Variants in ADGRL1 observed in about 807,000 individuals in gnomAD.
The protein encoded by ADGRL1 is CIRL-1.
Under a neutral mutation model 148.9 loss-of-function variants are expected in ADGRL1, and 31 were observed. The ratio of observed to expected loss-of-function variants is 0.21; its 90% CI spans 0.16 to 0.28. The LOEUF (loss-of-function observed/expected upper bound fraction) is 0.28. Among genes scored for constraint, ADGRL1 ranks in the 10% least tolerant of loss-of-function variants. ADGRL1 has a pLI of 1.00. For missense variants in ADGRL1, 1,521 were observed against 2,058.8 expected, an observed-to-expected ratio of 0.74 and a Z score of 5.05; for synonymous variants, 937 against 900.3, an observed-to-expected ratio of 1.04 and a Z score of -0.73.
chr19:14,159,330 T>G lies in ADGRL1; in HGVS notation c.2023+71A>C. 6.4e-7 allele frequency: 1 copy of G among 1,572,402 alleles called. No individual in the cohort carries two copies. The highest frequency in any genetic ancestry group is 8.7e-7 in the Non-Finnish European group (1 of 1,155,534). ...GCCCAAGGGTCGGATAGCCCCCCTG[T>G]GGCCTCCAGGCCAGAACCCCGTGGT... On this transcript the variant is annotated intron_variant, in intron 10 of 22. Transcript: ENST00000361434. The surrounding 1 kb of genome is among the most constrained non-coding windows in gnomAD (Gnocchi z 6.0).
At chr19:14,204,956 G>A (rs1374995657) in intron 1 of ADGRL1, among the ~76,000 whole-genome samples, 1 of 152,084 alleles carries the variant, frequency 6.6e-6, no homozygotes, top group African/African-American at 2.4e-5. Flanking sequence ...GTGGATGGGG[G>A]TTGGAACAGG....
intron 1 of ADGRL1, among the ~76,000 whole-genome samples, chr19:14,193,122 C>T (rs112612881): frequency 6.6e-6 from 1 of 152,132 alleles, no homozygotes; most frequent in African/African-American, 2.4e-5. Context: ...CGCCCTCTCC[C>T]CAGAGTGGCT....
Position 14,160,800 on chromosome 19 carries a change from G to A in ADGRL1, c.1511-104C>T, listed in dbSNP as rs1969283737. 2 of 732,444 alleles carry A rather than the reference G, an allele frequency of 2.7e-6. No homozygotes were observed. 45.4% of individuals were successfully genotyped at this position (732,444 alleles called of 1,614,324 possible). On this transcript the variant is annotated intron_variant, in intron 6 of 22. Transcript: ENST00000361434. This position sits in a 1 kb window ranked among gnomAD's most constrained non-coding sequence, Gnocchi z 5.9. ...GATGACAGAGAGTGGGGGACGAGCG[G>A]GCGAAGAGGGAGGTGAGGGAAACAC...
In ADGRL1 at chr19:14,155,511, C is replaced by T. The variant is rs1423061101; in HGVS notation, c.3142G>A (p.Ala1048Thr). The change falls in exon 18 of 23, where the codon GCC becomes ACC. Residue 1048 changes from alanine (A) to threonine (T), a missense_variant. Coordinates refer to ENST00000361434, the MANE Select transcript of ADGRL1 (RefSeq NM_014921.5). This position sits in a 1 kb window ranked among gnomAD's most constrained non-coding sequence, Gnocchi z 5.0. ...LDNIKSWALG[A>T]IALLFLLGLT... ...CCCAGCAGGAACAGCAGCGCGATGGCCCCCAGCGCCCAGGATCTGGGAGTG... is the reference window on the plus strand; with the variant it reads ...CCCAGCAGGAACAGCAGCGCGATGGTCCCCAGCGCCCAGGATCTGGGAGTG... The T allele has an allele frequency of 6.2e-7, 1 of 1,613,362 alleles. No homozygotes were observed. The highest frequency in any genetic ancestry group is 1.3e-5 in the African/African-American group (1 of 74,914).
At chr19:14,153,203 G>A (rs1349121733) in intron 18 of ADGRL1, among the ~76,000 whole-genome samples, 12 of 152,090 alleles carry the variant, frequency 7.9e-5, no homozygotes, top group Non-Finnish European at 7.3e-5. Context: ...TTGAGCATCC[G>A]CTATGTGCCA....
chr19:14,190,868 A>G (rs1971886127), intron 1 of ADGRL1, among the ~76,000 whole-genome samples: 1 of 152,120 alleles, frequency 6.6e-6, no homozygotes, highest in Non-Finnish European at 1.5e-5. Context: ...AGGGCAGATC[A>G]CCTGAGGTCA....
intron 2 of ADGRL1, among the ~76,000 whole-genome samples, chr19:14,182,355 C>T (rs1208532303): frequency 1.3e-5 from 2 of 152,168 alleles, no homozygotes; most frequent in African/African-American, 4.8e-5. Context: ...CCAGGCCCTG[C>T]GGGGTGCTGG....
Position 14,160,003 on chromosome 19 carries a change from A to G in ADGRL1, c.1800+109T>C. 8.2e-7 allele frequency: 1 copy of G among 1,215,474 alleles called. No individual in the cohort carries two copies. The highest frequency in any genetic ancestry group is 1.1e-6 in the Non-Finnish European group (1 of 879,886). The allele number at this position is 1,215,474 out of a possible 1,614,324, so 75.3% of individuals were successfully genotyped here. On this transcript the variant is annotated intron_variant, in intron 8 of 22. Coordinates refer to ENST00000361434, the MANE Select transcript of ADGRL1 (RefSeq NM_014921.5). The surrounding 1 kb of genome is among the most constrained non-coding windows in gnomAD (Gnocchi z 5.9). ...GGGGGGGGTCCTTCCTCTCTGAGGA[A>G]AGGAGTGGAGGTGGCAGCCTGGCTG...
intron 3 of ADGRL1, among the ~76,000 whole-genome samples, chr19:14,173,943 CAAAA>C (rs774211423): frequency 4.2e-4 from 14 of 32,968 alleles, no homozygotes; most frequent in Admixed American, 1.6e-3. Flanking sequence ...GACTCCGTCT[CAAAA>C]AAAAAAAAAA....
Position 14,177,730 on chromosome 19 carries a change from C to T in ADGRL1, c.85G>A (p.Gly29Arg), listed in dbSNP as rs764664261. The T allele has an allele frequency of 7.4e-6, 12 of 1,611,744 alleles. No homozygotes were observed. The highest frequency in any genetic ancestry group is 1.3e-5 in the African/African-American group (1 of 75,052). ...CGGCGCATCAGCCCGAACGGGAGCC[C>T]GGCCCGGCTCAGGCCTGCAGGGAGG... The part of the protein sequence containing the change: ...TSATQGLSRA[G>R]LPFGLMRREL... The change falls in exon 3 of 23, where the codon GGG (glycine) becomes AGG (arginine). Residue 29 changes from glycine (G) to arginine (R), a missense_variant. By Grantham distance (125) the Gly-to-Arg change is moderately radical. Coordinates refer to ENST00000361434, the MANE Select transcript of ADGRL1 (RefSeq NM_014921.5).
At chr19:14,153,582 A>ATT (rs34163270) in intron 18 of ADGRL1, among the ~76,000 whole-genome samples, 2 of 128,428 alleles carry the variant, frequency 1.6e-5, no homozygotes, top group East Asian at 2.3e-4. Context: ...CACCTGGCTA[A>ATT]TTTTTTTTTT....
chr19:14,160,737 G>C lies in ADGRL1; in HGVS notation c.1511-41C>G, dbSNP rs763947218. Reference sequence around the variant, plus strand: ...GACAGGAACAGACAAGGGAGCCAAAGGGAAGAAGAGAAGGATGGGACAGAG... The same window carrying C: ...GACAGGAACAGACAAGGGAGCCAAACGGAAGAAGAGAAGGATGGGACAGAG... On this transcript the variant is annotated intron_variant, in intron 6 of 22. Transcript: ENST00000361434. The surrounding 1 kb of genome is among the most constrained non-coding windows in gnomAD (Gnocchi z 5.9). The C allele has an allele frequency of 4.3e-5, 51 of 1,191,216 alleles. No homozygotes were observed. Among genetic ancestry groups the C allele is most frequent in the Non-Finnish European group, 5.7e-5 (46 of 800,702 alleles). 73.8% of individuals were successfully genotyped at this position (1,191,216 alleles called of 1,614,324 possible). A position where few individuals can be genotyped will look rare whatever the true frequency, so the allele number is the denominator to read the frequency against.
chr19:14,174,837 GTTTT>G (rs34608406), intron 3 of ADGRL1, among the ~76,000 whole-genome samples: 4 of 110,568 alleles, frequency 3.6e-5, no homozygotes, highest in Admixed American at 1.9e-4. Flanking sequence ...CACCTGGTCT[GTTTT>G]TTTTTTTTTT....
chr19:14,186,955 T>C (rs1568621461), intron 1 of ADGRL1, among the ~76,000 whole-genome samples: 1 of 152,158 alleles, frequency 6.6e-6, no homozygotes, highest in Non-Finnish European at 1.5e-5. Context: ...TCACCCGCCA[T>C]CCTTTTCCCT....
intron 1 of ADGRL1, among the ~76,000 whole-genome samples, chr19:14,184,606 T>TTTA (rs1184763515): frequency 9.6e-6 from 1 of 103,974 alleles, no homozygotes; most frequent in African/African-American, 4.1e-5. Context: ...CTAATTTTTA[T>TTTA]TTTATTTATT....
intron 3 of ADGRL1, among the ~76,000 whole-genome samples, chr19:14,174,329 G>A (rs1970673536): frequency 1.3e-5 from 2 of 152,164 alleles, no homozygotes; most frequent in African/African-American, 4.8e-5. Flanking sequence ...CGGCAGGGGT[G>A]TCAGGGGACA....
chr19:14,166,773 CGA>C (rs1970013999), intron 4 of ADGRL1, among the ~76,000 whole-genome samples: 1 of 151,908 alleles, frequency 6.6e-6, no homozygotes, highest in Admixed American at 6.6e-5. Context: ...ACAGAAACAG[CGA>C]GAGAGAGAAA....
chr19:14,166,904 C>T (rs1970026455), intron 4 of ADGRL1: 1 of 1,146,154 alleles, frequency 8.7e-7, no homozygotes, highest in Non-Finnish European at 1.3e-6. Flanking sequence ...CCGACCGGAC[C>T]AAGTGTGGGT....
In ADGRL1 at chr19:14,159,556, A is replaced by C; in HGVS notation, c.1868T>G (p.Leu623Arg). The part of the protein sequence containing the change: ...KAVVETVDNL[L>R]RPEALESWKD... ...CCAGGACTCCAGAGCTTCTGGCCGG[A>C]GCAGATTGTCCACTGTCTCCACCAC... The change falls in exon 10 of 23, where the codon CTC becomes CGC. Residue 623 changes from leucine (L) to arginine (R), a missense_variant. Around this residue, in one of 8 missense-constraint regions of ADGRL1, gnomAD observed 265 missense variants for 431.9 expected, o/e 0.61. Coordinates refer to ENST00000361434, the MANE Select transcript of ADGRL1 (RefSeq NM_014921.5). This position sits in a 1 kb window ranked among gnomAD's most constrained non-coding sequence, Gnocchi z 6.0. 1 of 1,603,326 alleles carries C rather than the reference A, an allele frequency of 6.2e-7. No homozygotes were observed.
Sources: allele counts gnomAD v4.1 joint callset (sites outside exome capture counted in the v4.1 genomes callset), GRCh38; gene constraint gnomAD v4.1.1; regional missense constraint gnomAD v4.1.1; non-coding constraint Gnocchi (gnomAD v3.1); transcripts MANE v1.5; gene names NCBI Gene and HGNC (gene_info 2026-07-23, HGNC 2026-07-21).